Variants in TMEM132D observed in about 807,000 individuals in gnomAD.
The protein encoded by TMEM132D is mature OL transmembrane protein.
In TMEM132D, 21 loss-of-function variants were observed where a neutral mutation model predicts 62.3. The observed-to-expected ratio is 0.34, with a 90% CI of 0.24 to 0.49. TMEM132D has a LOEUF of 0.49. TMEM132D is among the 20% of genes least tolerant of loss of function. TMEM132D has a pLI of 0.99. For synonymous variants in TMEM132D, 621 were observed against 575.6 expected (o/e 1.08, Z -1.13); for missense variants, 1,346 against 1,402.8 (o/e 0.96, Z 0.65).
intron 3 of TMEM132D, among the ~76,000 whole-genome samples, chr12:129,344,087 G>A (rs1005168280): frequency 3.9e-5 from 6 of 152,036 alleles, no homozygotes; most frequent in African/African-American, 9.7e-5. Context: ...TCTTACTTTC[G>A]GGAATGTCCT....
chr12:129,591,303 C>T lies in TMEM132D; in HGVS notation c.969-60098G>A, dbSNP rs188873091. On this transcript the variant is annotated intron_variant, in intron 2 of 8. Transcript: ENST00000422113. ...ATTATCTACTATGCATCCCTTGTAT[C>T]GGAGGATGGTGATGGTGGTAAAATT... 3.0e-4 allele frequency among the ~76,000 whole-genome samples: 46 copies of T among 152,204 alleles called. No individual in the cohort carries two copies. The East Asian group carries it at 7.0e-3, about 23-fold the overall frequency.
chr12:129,721,465 C>T (rs10847928), intron 1 of TMEM132D, among the ~76,000 whole-genome samples: 1 of 151,760 alleles, frequency 6.6e-6, no homozygotes, highest in South Asian at 2.1e-4. Flanking sequence ...CTGCCCAGAA[C>T]GGGGAAGCTT....
intron 3 of TMEM132D, among the ~76,000 whole-genome samples, chr12:129,359,203 A>G (rs1232845097): frequency 6.6e-6 from 1 of 152,190 alleles, no homozygotes; most frequent in South Asian, 2.1e-4. Context: ...TTCCACTAAT[A>G]TGAAACATCA....
At chr12:129,472,757 G>T (rs894274984) in intron 3 of TMEM132D, among the ~76,000 whole-genome samples, 3 of 152,142 alleles carry the variant, frequency 2.0e-5, no homozygotes, top group African/African-American at 7.2e-5. Context: ...CTTCAATTTT[G>T]AAAGACGTTC....
intron 1 of TMEM132D, among the ~76,000 whole-genome samples, chr12:129,851,086 C>T (rs564153603): frequency 9.9e-5 from 15 of 152,276 alleles, no homozygotes; most frequent in South Asian, 4.1e-4. Flanking sequence ...AATATTAGCT[C>T]GGAAAATATA....
chr12:129,104,014 C>T lies in TMEM132D; in HGVS notation c.1444-19312G>A, dbSNP rs549832360. On this transcript the variant is annotated intron_variant, in intron 5 of 8. Coordinates refer to ENST00000422113, the MANE Select transcript of TMEM132D (RefSeq NM_133448.3). ...GCCATCCCCATCAAGCTACCAATGC[C>T]TTTCTTCACAGAATTGGAAAAAACT... Among the ~76,000 whole-genome samples, 1,479 of 152,146 alleles carry T rather than the reference C, an allele frequency of 9.7e-3. 32 individuals carry two copies. Among genetic ancestry groups the T allele is most frequent in the African/African-American group, 0.033 (1,361 of 41,478 alleles).
At chr12:129,165,680 C>CT (rs71449397) in intron 5 of TMEM132D, among the ~76,000 whole-genome samples, 33 of 102,860 alleles carry the variant, frequency 3.2e-4, no homozygotes, top group East Asian at 2.1e-3. Context: ...AACATTTCTT[C>CT]TTTTTTTTTT....
chr12:129,405,560 G>GC, intron 3 of TMEM132D, among the ~76,000 whole-genome samples: 1 of 152,254 alleles, frequency 6.6e-6, no homozygotes, highest in African/African-American at 2.4e-5. Context: ...GTCCTGAGTG[G>GC]CCCCACTGCA....
intron 4 of TMEM132D, among the ~76,000 whole-genome samples, chr12:129,281,972 G>A (rs974548390): frequency 2.6e-5 from 4 of 152,248 alleles, no homozygotes; most frequent in South Asian, 2.1e-4. Flanking sequence ...GTAGACCTCC[G>A]TGAACCCGCT....
chr12:129,443,491 G>A (rs904303159), intron 3 of TMEM132D, among the ~76,000 whole-genome samples: 2 of 152,126 alleles, frequency 1.3e-5, no homozygotes, highest in South Asian at 2.1e-4. Context: ...GAACCGTGAC[G>A]CAAGGCTGTC....
In TMEM132D at chr12:129,696,600, T is replaced by A. The variant is rs567890996; in HGVS notation, c.968+3210A>T. Among the ~76,000 whole-genome samples the A allele has an allele frequency of 2.6e-5, 4 of 152,244 alleles. No individual in the cohort carries two copies. In the East Asian group the frequency reaches 5.8e-4, roughly 22 times the overall value. On this transcript the variant is annotated intron_variant, in intron 2 of 8. Transcript: ENST00000422113. ...GAGCTCTTTGGAAACGGACTCCCTG[T>A]GGTGAAAAGCAACGAAAGAATAACT...
intron 3 of TMEM132D, among the ~76,000 whole-genome samples, chr12:129,342,813 A>C (rs1324396998): frequency 6.6e-6 from 1 of 152,230 alleles, no homozygotes; most frequent in Admixed American, 6.5e-5. Flanking sequence ...TAGCCAAAAA[A>C]CACATGAAAA....
At chr12:129,174,520 A>G (rs972809354) in intron 5 of TMEM132D, among the ~76,000 whole-genome samples, 2 of 152,168 alleles carry the variant, frequency 1.3e-5, no homozygotes, top group Admixed American at 1.3e-4. Flanking sequence ...GCTATTGTAA[A>G]TAGTGCTGCA....
intron 4 of TMEM132D, among the ~76,000 whole-genome samples, chr12:129,240,769 T>C (rs1879915741): frequency 1.3e-5 from 2 of 152,312 alleles, no homozygotes; most frequent in South Asian, 4.1e-4. Flanking sequence ...AATATACTCA[T>C]GCCTCAGCCG....
At chr12:129,083,256 A>G (rs1565957752) in intron 6 of TMEM132D, among the ~76,000 whole-genome samples, 1 of 152,228 alleles carries the variant, frequency 6.6e-6, no homozygotes, top group Non-Finnish European at 1.5e-5. Context: ...GACAGATGTC[A>G]GCTGCTCCCT....
Position 129,307,311 on chromosome 12 carries a change from A to G in TMEM132D, c.1299+30323T>C, listed in dbSNP as rs1178003294. 2.0e-5 allele frequency among the ~76,000 whole-genome samples: 3 copies of G among 152,156 alleles called. 1 individual carries two copies. Among genetic ancestry groups the G allele is most frequent in the African/African-American group, 7.2e-5 (3 of 41,428 alleles). ...CTATTGAACCCAACGGAAAGTGGGAAATCAGTATCTTATTATCACCTGTCA... is the reference window on the plus strand; with the variant it reads ...CTATTGAACCCAACGGAAAGTGGGAGATCAGTATCTTATTATCACCTGTCA... On this transcript the variant is annotated intron_variant, in intron 4 of 8. Coordinates refer to ENST00000422113, the MANE Select transcript of TMEM132D (RefSeq NM_133448.3).
intron 2 of TMEM132D, among the ~76,000 whole-genome samples, chr12:129,577,554 T>C (rs1877705453): frequency 6.6e-6 from 1 of 151,724 alleles, no homozygotes; most frequent in Admixed American, 6.6e-5. Context: ...TGATAAATGT[T>C]GACTTTTTAT....
chr12:129,279,048 A>G (rs1470519855), intron 4 of TMEM132D, among the ~76,000 whole-genome samples: 5 of 152,200 alleles, frequency 3.3e-5, no homozygotes, highest in South Asian at 4.1e-4. Context: ...GAGAACTCAG[A>G]AATGCAAACT....
chr12:129,889,264 T>C (rs753791713), intron 1 of TMEM132D, among the ~76,000 whole-genome samples: 9 of 152,198 alleles, frequency 5.9e-5, no homozygotes, highest in Non-Finnish European at 1.3e-4. Flanking sequence ...CAGATACCTA[T>C]ATGTTCTTCT....
Sources: gnomAD v4.1 joint callset for allele counts (sites outside exome capture counted in the v4.1 genomes callset) on GRCh38, gnomAD v4.1.1 for gene constraint, MANE v1.5 for transcripts, NCBI Gene and HGNC (gene_info 2026-07-23, HGNC 2026-07-21) for gene names.